Variants in CCDC192 observed in about 807,000 individuals in gnomAD.
The protein encoded by CCDC192 is coiled-coil domain-containing protein 192.
chr5:127,854,095 G>T (rs767878318), intron 5 of CCDC192, among the ~76,000 whole-genome samples: 5 of 152,078 alleles, frequency 3.3e-5, no homozygotes, highest in African/African-American at 4.8e-5. Flanking sequence ...ATTCCTTTGG[G>T]TTCCAGGTCA....
At chr5:127,840,054 G>A (rs969145030) in intron 5 of CCDC192, among the ~76,000 whole-genome samples, 2 of 152,248 alleles carry the variant, frequency 1.3e-5, no homozygotes, top group African/African-American at 4.8e-5. Flanking sequence ...ACTCACTTAG[G>A]ATGGCTAGCA....
At chr5:127,738,332 A>T (rs1384987722) in intron 2 of CCDC192, among the ~76,000 whole-genome samples, 1 of 124,386 alleles carries the variant, frequency 8.0e-6, no homozygotes, top group Non-Finnish European at 1.7e-5. Context: ...CTTTGAGGGT[A>T]ACCCGACCTT....
At chr5:127,825,761 T>G (rs1409124160) in intron 5 of CCDC192, among the ~76,000 whole-genome samples, 1 of 152,238 alleles carries the variant, frequency 6.6e-6, no homozygotes, top group African/African-American at 2.4e-5. Flanking sequence ...TGATTGTAGA[T>G]TATTAATATT....
At position 127,840,540 on chromosome 5, in the gene CCDC192, G is replaced by A. The variant is rs1750235195; in HGVS notation, c.412-34998G>A. On this transcript the variant is annotated intron_variant, in intron 5 of 6. Transcript: ENST00000514853. ...TGTGCCTATAATGGTATACATAAATGTCAATAGAACAGAATAAAGACAAGT... is the reference window on the plus strand; with the variant it reads ...TGTGCCTATAATGGTATACATAAATATCAATAGAACAGAATAAAGACAAGT... 2.0e-5 allele frequency among the ~76,000 whole-genome samples: 3 copies of A among 152,064 alleles called. No individual in the cohort carries two copies. The South Asian group carries it at 6.2e-4, about 32-fold the overall frequency.
At chr5:127,804,877 A>C (rs1757697897) in intron 5 of CCDC192, among the ~76,000 whole-genome samples, 1 of 152,104 alleles carries the variant, frequency 6.6e-6, no homozygotes, top group African/African-American at 2.4e-5. Context: ...TCCAGCATAG[A>C]CCCTTACTTT....
At chr5:127,820,412 C>T (rs1049243567) in intron 5 of CCDC192, among the ~76,000 whole-genome samples, 3 of 152,040 alleles carry the variant, frequency 2.0e-5, no homozygotes, top group Non-Finnish European at 4.4e-5. Context: ...AGAAACCTCG[C>T]CTCTACTAAA....
chr5:127,835,584 G>A (rs1258073187), intron 5 of CCDC192, among the ~76,000 whole-genome samples: 1 of 152,174 alleles, frequency 6.6e-6, no homozygotes, highest in Non-Finnish European at 1.5e-5. Context: ...AATTTATAAA[G>A]GAAAGAGGTT....
intron 5 of CCDC192, among the ~76,000 whole-genome samples, chr5:127,866,589 C>T (rs1188321336): frequency 6.6e-6 from 1 of 151,296 alleles, no homozygotes; most frequent in Non-Finnish European, 1.5e-5. Flanking sequence ...TCATTGCCAA[C>T]AATTACTTTC....
Position 127,786,966 on chromosome 5 carries a change from G to C in CCDC192, c.223-10137G>C. 1.0e-5 allele frequency: 4 copies of C among 382,990 alleles called. No individual in the cohort carries two copies. The Admixed American group carries it at 1.3e-4, about 12-fold the overall frequency. The allele number at this position is 382,990 out of a possible 1,614,324, so 23.7% of individuals were successfully genotyped here. On this transcript the variant is annotated intron_variant, in intron 3 of 6. Coordinates refer to ENST00000514853, the MANE Select transcript of CCDC192 (RefSeq NM_001317938.2). ...CCACATGTACACCTGCTGGATGGTG[G>C]CTCTGAGGTCATCCAGATCTGGTCT...
rs1337020874 is a variant in CCDC192 at position 127,794,137 on chromosome 5, G to A, written c.223-2966G>A. On this transcript the variant is annotated intron_variant, in intron 3 of 6. Coordinates refer to ENST00000514853, the MANE Select transcript of CCDC192 (RefSeq NM_001317938.2). ...GTGCAGTGTGAGTAACCCAAATTAG[G>A]TCACATCTCCTTATACGATAACTGT... Among the ~76,000 whole-genome samples the A allele has an allele frequency of 2.0e-5, 3 of 152,244 alleles. No individual in the cohort carries two copies. In the East Asian group the frequency reaches 5.8e-4, roughly 29 times the overall value.
chr5:127,706,457 G>A (rs1750965768), intron 1 of CCDC192, among the ~76,000 whole-genome samples: 1 of 149,988 alleles, frequency 6.7e-6, no homozygotes, highest in Non-Finnish European at 1.5e-5. Flanking sequence ...AACCCGGGAA[G>A]TGGAGGCAGT....
intron 6 of CCDC192, chr5:127,940,952 T>C (rs1754383532): frequency 2.8e-6 from 1 of 361,710 alleles, no homozygotes. Context: ...GCTGATGCTG[T>C]ACACTCTCAA....
chr5:127,731,216 A>C (rs1402561840), intron 2 of CCDC192, among the ~76,000 whole-genome samples: 2 of 151,960 alleles, frequency 1.3e-5, no homozygotes, highest in Non-Finnish European at 2.9e-5. Context: ...TCCTATACAC[A>C]AATGATAGAC....
intron 6 of CCDC192, among the ~76,000 whole-genome samples, chr5:127,937,355 G>A (rs569642591): frequency 6.6e-6 from 1 of 152,138 alleles, no homozygotes; most frequent in East Asian, 1.9e-4. Flanking sequence ...CCTAGCCCCC[G>A]ACTAGATGGC....
chr5:127,931,220 C>G (rs952882782), intron 6 of CCDC192, among the ~76,000 whole-genome samples: 1 of 152,106 alleles, frequency 6.6e-6, no homozygotes. Context: ...CCACCCCTAC[C>G]CATAGGAAGG....
At chr5:127,741,158 C>T (rs999261634) in intron 2 of CCDC192, among the ~76,000 whole-genome samples, 1 of 152,042 alleles carries the variant, frequency 6.6e-6, no homozygotes, top group African/African-American at 2.4e-5. Flanking sequence ...CTTCCCAGGC[C>T]CAAGCAATCC....
intron 1 of CCDC192, among the ~76,000 whole-genome samples, chr5:127,704,870 T>C (rs1413582208): frequency 6.6e-6 from 1 of 151,028 alleles, no homozygotes; most frequent in Non-Finnish European, 1.5e-5. Flanking sequence ...AATAAATAAA[T>C]AAATAAATAA....
chr5:127,779,304 AT>A (rs1011175558), intron 3 of CCDC192, among the ~76,000 whole-genome samples: 4 of 151,592 alleles, frequency 2.6e-5, no homozygotes, highest in South Asian at 2.1e-4. Flanking sequence ...CTATGTAAAA[AT>A]TTTTTTTTGA....
chr5:127,933,122 G>A (rs563501809), intron 6 of CCDC192, among the ~76,000 whole-genome samples: 1 of 152,192 alleles, frequency 6.6e-6, no homozygotes, highest in South Asian at 2.1e-4. Flanking sequence ...CAGAGGAAAT[G>A]TTGCATTTAC....
Sources: gnomAD v4.1 joint callset for allele counts (sites outside exome capture counted in the v4.1 genomes callset) on GRCh38, gnomAD v4.1.1 for gene constraint, MANE v1.5 for transcripts, NCBI Gene and HGNC (gene_info 2026-07-23, HGNC 2026-07-21) for gene names.